Variants in SOX6 observed in about 807,000 individuals in gnomAD.
SOX6 encodes the protein transcription factor SOX-6.
SOX6 carries 11 observed loss-of-function variants against 97.8 expected under a neutral mutation model. The ratio of observed to expected loss-of-function variants is 0.11; its 90% CI spans 0.07 to 0.19. The LOEUF is 0.19. Ranked by LOEUF, SOX6 falls within the 10% of genes least tolerant of loss-of-function variation. The pLI, the probability that SOX6 is intolerant of heterozygous loss-of-function variation, is 1.00. For missense variants in SOX6, 810 were observed against 1,039.5 expected (o/e 0.78, Z 3.04); for synonymous variants, 360 against 371.4 (o/e 0.97, Z 0.35).
rs567948700 is a variant in SOX6 at position 16,209,668 on chromosome 11, G to A, written c.536-22713C>T. On this transcript the variant is annotated intron_variant, in intron 4 of 15. Coordinates refer to ENST00000683767, the MANE Select transcript of SOX6 (RefSeq NM_001367873.1). Reference sequence around the variant, plus strand: ...CTCAGGAGGCCAAGACACAAGAATCGTTTCAGCCTGGAAGGCGGAGATGGT... The same window carrying A: ...CTCAGGAGGCCAAGACACAAGAATCATTTCAGCCTGGAAGGCGGAGATGGT... Among the ~76,000 whole-genome samples, 22 of 152,156 alleles carry A rather than the reference G, an allele frequency of 1.4e-4. No homozygotes were observed. The South Asian group carries it at 3.9e-3, about 27-fold the overall frequency.
chr11:16,560,297 T>A (rs1037009915), intron 4 of SOX6, among the ~76,000 whole-genome samples: 2 of 152,154 alleles, frequency 1.3e-5, no homozygotes, highest in African/African-American at 2.4e-5. Flanking sequence ...ATTCTAACTC[T>A]TACTCTAAGA....
chr11:16,556,917 A>G (rs1444394948), intron 4 of SOX6, among the ~76,000 whole-genome samples: 1 of 151,754 alleles, frequency 6.6e-6, no homozygotes, highest in South Asian at 2.1e-4. Context: ...GAAATTTCTG[A>G]CTTTATAATC....
rs981849176 is a variant in SOX6, at chr11:15,981,714, C to T, written c.2183+4490G>A. 2.6e-5 allele frequency among the ~76,000 whole-genome samples: 4 copies of T among 152,010 alleles called. No homozygotes were observed. The East Asian group carries it at 5.8e-4, about 22-fold the overall frequency. Reference sequence around the variant, plus strand: ...ATAGGTGTCTTAAATAGGATTGATTCGACCTCTTTAAAATTAAGATTAAAA... The same window carrying T: ...ATAGGTGTCTTAAATAGGATTGATTTGACCTCTTTAAAATTAAGATTAAAA... On this transcript the variant is annotated intron_variant, in intron 15 of 15. Coordinates refer to ENST00000683767, the MANE Select transcript of SOX6 (RefSeq NM_001367873.1).
At chr11:16,145,427 T>C (rs1850265706) in intron 6 of SOX6, among the ~76,000 whole-genome samples, 1 of 152,200 alleles carries the variant, frequency 6.6e-6, no homozygotes, top group Non-Finnish European at 1.5e-5. Flanking sequence ...AGCATTCCCT[T>C]TGAAAACTGG....
intron 13 of SOX6, among the ~76,000 whole-genome samples, chr11:16,008,366 G>A (rs2133854281): frequency 6.6e-6 from 1 of 152,156 alleles, no homozygotes; most frequent in Non-Finnish European, 1.5e-5. Context: ...CCAGGGTAAA[G>A]AACATTCAGT....
chr11:16,630,930 G>A (rs1848698221), intron 3 of SOX6, among the ~76,000 whole-genome samples: 1 of 152,096 alleles, frequency 6.6e-6, no homozygotes, highest in African/African-American at 2.4e-5. Context: ...TTTTCCATGT[G>A]CATGACAGAC....
At chr11:16,572,804 C>T (rs947613166) in intron 4 of SOX6, among the ~76,000 whole-genome samples, 1 of 152,074 alleles carries the variant, frequency 6.6e-6, no homozygotes, top group African/African-American at 2.4e-5. Flanking sequence ...TAATGTCTTT[C>T]TGGAAATTAT....
intron 1 of SOX6, among the ~76,000 whole-genome samples, chr11:16,462,554 A>C (rs1464724376): frequency 6.6e-6 from 1 of 152,260 alleles, no homozygotes; most frequent in African/African-American, 2.4e-5. Context: ...GGCATAAGGA[A>C]TAAAAAGACA....
chr11:16,101,360 A>G (rs545773220), intron 7 of SOX6, among the ~76,000 whole-genome samples: 3 of 151,620 alleles, frequency 2.0e-5, no homozygotes, highest in Non-Finnish European at 4.4e-5. Context: ...AAAATTAGCA[A>G]GGATTATAAT....
Position 15,970,899 on chromosome 11 carries a change from C to A in SOX6, c.*1910G>T, listed in dbSNP as rs1853281401. On this transcript the variant is annotated 3_prime_UTR_variant, in exon 16 of 16. Coordinates refer to ENST00000683767, the MANE Select transcript of SOX6 (RefSeq NM_001367873.1). Reference sequence around the variant, plus strand: ...CATTCACTGACATTCTCCCACTAAACCTCTCTGGGGGAAGCCCCCCGATAG... The same window carrying A: ...CATTCACTGACATTCTCCCACTAAAACTCTCTGGGGGAAGCCCCCCGATAG... The A allele has an allele frequency of 6.5e-6, 1 of 152,672 alleles. No homozygotes were observed. The highest frequency in any genetic ancestry group is 1.5e-5 in the Non-Finnish European group (1 of 68,064). The allele number at this position is 152,672 out of a possible 1,614,324, so 9.5% of individuals were successfully genotyped here.
chr11:16,078,620 G>A (rs997598476), intron 9 of SOX6, among the ~76,000 whole-genome samples: 4 of 152,132 alleles, frequency 2.6e-5, no homozygotes, highest in Admixed American at 6.5e-5. Context: ...CAGTGACTTT[G>A]TGGGAGGAGG....
intron 6 of SOX6, among the ~76,000 whole-genome samples, chr11:16,147,239 A>G (rs565806446): frequency 6.6e-6 from 1 of 152,338 alleles, no homozygotes; most frequent in Non-Finnish European, 1.5e-5. Context: ...ACTCTCAGCA[A>G]ACTATCGCAA....
Position 16,318,531 on chromosome 11 carries a change from T to C in SOX6, c.360A>G (p.Pro120=). Reference sequence around the variant, plus strand: ...CGGCAAGACTCCCTTTGCGGCGCTCTGGGGTTCCAAAAGTAACACTGGTCA... The same window carrying C: ...CGGCAAGACTCCCTTTGCGGCGCTCCGGGGTTCCAAAAGTAACACTGGTCA... ...EIMTSVTFGT[P]ERRKGSLADV... Residue 120 remains proline (P), a synonymous_variant, in exon 3 of 16, where the codon CCA becomes CCG. Coordinates refer to ENST00000683767, the MANE Select transcript of SOX6 (RefSeq NM_001367873.1). The C allele has an allele frequency of 1.9e-6, 3 of 1,613,780 alleles. No individual in the cohort carries two copies. The highest frequency in any genetic ancestry group is 2.5e-6 in the Non-Finnish European group (3 of 1,179,822).
intron 4 of SOX6, among the ~76,000 whole-genome samples, chr11:16,524,634 C>T (rs968934116): frequency 2.0e-4 from 30 of 151,404 alleles, no homozygotes; most frequent in African/African-American, 6.3e-4. Context: ...CTGGCCAGGG[C>T]AATTAGGCAG....
chr11:16,232,061 G>C (rs1024687777), intron 4 of SOX6, among the ~76,000 whole-genome samples: 2 of 151,380 alleles, frequency 1.3e-5, no homozygotes, highest in Admixed American at 6.6e-5. Context: ...AAAAATATAA[G>C]AGCTATCAAA....
At chr11:16,192,600 A>G (rs981586790) in intron 4 of SOX6, among the ~76,000 whole-genome samples, 6 of 152,154 alleles carry the variant, frequency 3.9e-5, no homozygotes, top group Non-Finnish European at 7.3e-5. Flanking sequence ...AAAAAAAATA[A>G]CTGAAATGTA....
chr11:16,717,492 A>G (rs1848227348), intron 2 of SOX6, among the ~76,000 whole-genome samples: 1 of 152,172 alleles, frequency 6.6e-6, no homozygotes, highest in African/African-American at 2.4e-5. Context: ...TTTATAATAA[A>G]ATAATGAATA....
rs1851489651 is a variant in SOX6 at position 16,186,764 on chromosome 11, T to G, written c.708+19A>C. The G allele has an allele frequency of 2.5e-6, 4 of 1,612,364 alleles. No individual in the cohort carries two copies. The East Asian group carries it at 8.9e-5, about 36-fold the overall frequency. ...ACATTCCACATCTCCAGTTCGTCAGTGCCTTTTGCAGGGCTCACCTGTTCT... is the reference window on the plus strand; with the variant it reads ...ACATTCCACATCTCCAGTTCGTCAGGGCCTTTTGCAGGGCTCACCTGTTCT... On this transcript the variant is annotated intron_variant, in intron 5 of 15. Coordinates refer to ENST00000683767, the MANE Select transcript of SOX6 (RefSeq NM_001367873.1).
chr11:16,511,269 C>A (rs1448817860), intron 4 of SOX6, among the ~76,000 whole-genome samples: 1 of 152,146 alleles, frequency 6.6e-6, no homozygotes, highest in Non-Finnish European at 1.5e-5. Flanking sequence ...TACAGAGCTA[C>A]AAAGTTTACC....
Sources: allele counts gnomAD v4.1 joint callset (sites outside exome capture counted in the v4.1 genomes callset), GRCh38; gene constraint gnomAD v4.1.1; transcripts MANE v1.5; gene names NCBI Gene and HGNC (gene_info 2026-07-23, HGNC 2026-07-21).